The following SLC25A13 variants were observed in gnomAD, a reference collection of about 807,000 sequenced individuals.
The protein encoded by SLC25A13 is solute carrier family 25 member 13.
In SLC25A13, 70 loss-of-function variants were observed where a neutral mutation model predicts 85.5. That is an observed-to-expected ratio of 0.82 (90% CI 0.68 to 1.00). The LOEUF (loss-of-function observed/expected upper bound fraction) is 1.00, where lower values mean the gene tolerates loss of function less well. Among genes scored for constraint, SLC25A13 ranks in the 50% least tolerant of loss-of-function variants. SLC25A13 has a pLI of 0.00. For synonymous variants in SLC25A13, 259 were observed against 288.7 expected, an observed-to-expected ratio of 0.90 and a Z score of 1.04; for missense variants, 765 against 819.8, an observed-to-expected ratio of 0.93 and a Z score of 0.82.
intron 4 of SLC25A13, among the ~76,000 whole-genome samples, chr7:96,213,204 A>G (rs890253561): frequency 6.6e-6 from 1 of 152,210 alleles, no homozygotes; most frequent in Admixed American, 6.5e-5. Context: ...GCTCATGAAT[A>G]GAAACATCTA....
intron 3 of SLC25A13, among the ~76,000 whole-genome samples, chr7:96,268,421 G>C (rs1240601855): frequency 6.6e-6 from 1 of 152,050 alleles, no homozygotes; most frequent in Admixed American, 6.6e-5. Flanking sequence ...GTACAGTAAG[G>C]TCTAGGCCCT....
At chr7:96,260,292 A>C (rs367595393) in intron 3 of SLC25A13, among the ~76,000 whole-genome samples, 1 of 152,156 alleles carries the variant, frequency 6.6e-6, no homozygotes, top group Admixed American at 6.6e-5. Flanking sequence ...ATTTTGCCAG[A>C]AACAAGGAAG....
chr7:96,185,138 T>C (rs1294921623), intron 9 of SLC25A13, 127 bp from the exon 10 acceptor site: 2 of 612,274 alleles, frequency 3.3e-6, no homozygotes, highest in East Asian at 5.5e-5. Context: ...ACAACTAAAA[T>C]GTCAAGGAAA....
At chr7:96,287,989 A>T (rs1339072299) in intron 2 of SLC25A13, among the ~76,000 whole-genome samples, 2 of 152,178 alleles carry the variant, frequency 1.3e-5, no homozygotes, top group African/African-American at 4.8e-5. Flanking sequence ...ACATACGAAG[A>T]CCTTCTCTGG....
chr7:96,189,211 C>T (rs899257810), intron 9 of SLC25A13, 83 bp downstream of exon 9: 15 of 1,213,010 alleles, frequency 1.2e-5, no homozygotes, highest in African/African-American at 1.5e-5. Flanking sequence ...ATACCAATGC[C>T]GCAAAGGCAA....
intron 3 of SLC25A13, among the ~76,000 whole-genome samples, chr7:96,247,900 A>G (rs993344885): frequency 6.6e-6 from 1 of 151,956 alleles, no homozygotes; most frequent in African/African-American, 2.4e-5. Context: ...TAGATGTGGC[A>G]ATATATAGTT....
chr7:96,157,698 G>A (rs1002164851), intron 13 of SLC25A13, among the ~76,000 whole-genome samples: 2 of 152,076 alleles, frequency 1.3e-5, no homozygotes, highest in African/African-American at 4.8e-5. Flanking sequence ...TGGCCACTTG[G>A]GAGGCTGAGG....
intron 14 of SLC25A13, among the ~76,000 whole-genome samples, chr7:96,132,723 C>A (rs1425154478): frequency 1.3e-5 from 2 of 152,056 alleles, no homozygotes; most frequent in African/African-American, 4.8e-5. Flanking sequence ...GATTTAATAC[C>A]ATTTCTTTAA....
chr7:96,176,826 A>C (rs781114472), intron 11 of SLC25A13, among the ~76,000 whole-genome samples: 1 of 152,206 alleles, frequency 6.6e-6, no homozygotes, highest in East Asian at 1.9e-4. Context: ...AACTAATTTT[A>C]GGCTATTTCC....
chr7:96,288,591 G>A (rs570756794), intron 2 of SLC25A13, among the ~76,000 whole-genome samples: 47 of 152,294 alleles, frequency 3.1e-4, no homozygotes, highest in Non-Finnish European at 5.9e-4. Context: ...CTTTTCCAAC[G>A]GTCTTAGCAA....
Position 96,184,793 on chromosome 7 carries a change from C to T in SLC25A13, c.1018+134G>A, listed in dbSNP as rs17848734. ...AGTTCCCTTTACTCTTGCCCTACCT[C>T]ACAGGTAGAAACTGATAACTGGCAT... is the stretch of plus-strand genomic sequence containing the variant. On this transcript the variant is annotated intron_variant, in intron 10 of 17. Coordinates refer to ENST00000265631, the MANE Select transcript of SLC25A13 (RefSeq NM_014251.3). The T allele has an allele frequency of 8.5e-4, 686 of 804,664 alleles. 9 individuals carry two copies. In the East Asian group the frequency reaches 0.017, roughly 20 times the overall value. 49.8% of individuals were successfully genotyped at this position (804,664 alleles called of 1,614,324 possible). A position where few individuals can be genotyped will look rare whatever the true frequency, so the allele number is the denominator to read the frequency against.
chr7:96,274,297 A>C (rs1249185881), intron 3 of SLC25A13, among the ~76,000 whole-genome samples: 1 of 152,016 alleles, frequency 6.6e-6, no homozygotes, highest in Non-Finnish European at 1.5e-5. Context: ...TTGGCTACAT[A>C]AATGTCTTCT....
At chr7:96,167,352 T>A (rs1434349112) in intron 13 of SLC25A13, among the ~76,000 whole-genome samples, 1 of 152,182 alleles carries the variant, frequency 6.6e-6, no homozygotes, top group Non-Finnish European at 1.5e-5. Context: ...TTAGTGACAA[T>A]CATTTTTTCC....
At chr7:96,231,625 C>G (rs564117904) in intron 4 of SLC25A13, among the ~76,000 whole-genome samples, 3 of 151,732 alleles carry the variant, frequency 2.0e-5, no homozygotes, top group Admixed American at 2.0e-4. Flanking sequence ...TCGAGAAACT[C>G]AGGCAGGAGA....
At chr7:96,206,443 G>A in intron 5 of SLC25A13, among the ~76,000 whole-genome samples, 1 of 152,124 alleles carries the variant, frequency 6.6e-6, no homozygotes. Context: ...CCTACATTCA[G>A]AAAAGAGTTC....
intron 3 of SLC25A13, among the ~76,000 whole-genome samples, chr7:96,246,714 G>A (rs1797206523): frequency 6.6e-6 from 1 of 152,178 alleles, no homozygotes; most frequent in East Asian, 1.9e-4. Flanking sequence ...CTCTCTTGAT[G>A]TGACTGTAAT....
intron 2 of SLC25A13, among the ~76,000 whole-genome samples, chr7:96,284,106 TA>T (rs34210972): frequency 0.66 from 100,208 of 151,278 alleles, 33,425 homozygotes; most frequent in Non-Finnish European, 0.68. Context: ...TTTACAAAAA[TA>T]AAAAAAATAT....
Position 96,248,494 on chromosome 7 carries a change from A to T in SLC25A13, c.213-13577T>A, listed in dbSNP as rs566307614. ...GATACTACTACGATGATGAAGTGGA[A>T]TTTTTTTTCTTTTTCTTGCACCTGT... is the stretch of plus-strand genomic sequence containing the variant. On this transcript the variant is annotated intron_variant, in intron 3 of 17. Transcript: ENST00000265631. Among the ~76,000 whole-genome samples the T allele has an allele frequency of 7.2e-5, 11 of 152,134 alleles. No homozygotes were observed. In the South Asian group the frequency reaches 2.3e-3, roughly 32 times the overall value.
chr7:96,305,763 T>C (rs1365172443), intron 1 of SLC25A13, among the ~76,000 whole-genome samples: 1 of 152,150 alleles, frequency 6.6e-6, no homozygotes, highest in Admixed American at 6.5e-5. Context: ...GCTAATTTAA[T>C]AAATACAGAG....
Sources: allele counts gnomAD v4.1 joint callset (sites outside exome capture counted in the v4.1 genomes callset), GRCh38; gene constraint gnomAD v4.1.1; transcripts MANE v1.5; gene names NCBI Gene and HGNC (gene_info 2026-07-23, HGNC 2026-07-21).